Variants in CLVS1 observed in about 807,000 individuals in gnomAD.
CLVS1 encodes the protein clavesin-1.
Under a neutral mutation model 33.1 loss-of-function variants are expected in CLVS1, and 10 were observed. The ratio of observed to expected loss-of-function variants is 0.30; its 90% CI spans 0.19 to 0.51. The LOEUF (loss-of-function observed/expected upper bound fraction) is 0.51, where lower values mean the gene tolerates loss of function less well. CLVS1 is among the 20% of genes least tolerant of loss of function. CLVS1 has a pLI of 0.97. For synonymous variants in CLVS1, 163 were observed against 166.1 expected (o/e 0.98, Z 0.14); for missense variants, 343 against 433.4 (o/e 0.79, Z 1.85).
chr8:61,175,999 C>T (rs1197315280), intron 2 of CLVS1, among the ~76,000 whole-genome samples: 2 of 152,158 alleles, frequency 1.3e-5, no homozygotes, highest in African/African-American at 2.4e-5. Context: ...CAACTTTCTC[C>T]AGACCAAACA....
At chr8:61,357,489 C>CTTTTATTTTTTTTTTTTTTTTTTTT (rs1462908906) in intron 2 of CLVS1, among the ~76,000 whole-genome samples, 2 of 30,282 alleles carry the variant, frequency 6.6e-5, no homozygotes, top group Admixed American at 3.7e-4. Context: ...TTTCCTTTTT[C>CTTTTATTTTTTTTTTTTTTTTTTTT]TTTTCTTTTT....
intron 2 of CLVS1, among the ~76,000 whole-genome samples, chr8:61,346,744 T>C (rs1812235045): frequency 6.6e-6 from 1 of 152,148 alleles, no homozygotes; most frequent in African/African-American, 2.4e-5. Context: ...AGTCCTGCAA[T>C]CATGGGTTTC....
At chr8:61,461,118 T>C (rs988984854) in intron 5 of CLVS1, among the ~76,000 whole-genome samples, 1 of 152,206 alleles carries the variant, frequency 6.6e-6, no homozygotes, top group African/African-American at 2.4e-5. Context: ...ATGAACAAGA[T>C]AAATTAGGGC....
At chr8:61,177,288 G>T (rs918652691) in intron 2 of CLVS1, among the ~76,000 whole-genome samples, 2 of 152,150 alleles carry the variant, frequency 1.3e-5, no homozygotes, top group East Asian at 3.9e-4. Context: ...CTCCCTGCAG[G>T]AACTTCAACT....
intron 2 of CLVS1, among the ~76,000 whole-genome samples, chr8:61,318,129 C>T (rs1811073882): frequency 6.6e-6 from 1 of 152,094 alleles, no homozygotes. Flanking sequence ...AATTATTTTC[C>T]TTGAACTCTC....
At chr8:61,172,771 G>A (rs1490079740) in intron 2 of CLVS1, among the ~76,000 whole-genome samples, 1 of 144,216 alleles carries the variant, frequency 6.9e-6, no homozygotes, top group East Asian at 1.9e-4. Context: ...TCCAAAGGAA[G>A]TCAGGGACCT....
chr8:60,991,020 A>AT, the CLVS1 span, among the ~76,000 whole-genome samples: 2 of 152,070 alleles, frequency 1.3e-5, no homozygotes, highest in Admixed American at 6.6e-5. Context: ...TAATTAACAG[A>AT]TTTTTTTACT....
chr8:61,282,010 A>G (rs562147639), intron 2 of CLVS1, among the ~76,000 whole-genome samples: 1 of 152,350 alleles, frequency 6.6e-6, no homozygotes, highest in East Asian at 1.9e-4. Context: ...GTGTTTCATT[A>G]TAATCATGTC....
At chr8:61,201,797 G>A (rs908709681) in intron 2 of CLVS1, among the ~76,000 whole-genome samples, 5 of 152,246 alleles carry the variant, frequency 3.3e-5, no homozygotes, top group East Asian at 3.9e-4. Flanking sequence ...CCCCACTGCC[G>A]TAAAGAAATA....
At chr8:61,185,752 A>G (rs1200465887) in intron 2 of CLVS1, among the ~76,000 whole-genome samples, 2 of 152,166 alleles carry the variant, frequency 1.3e-5, no homozygotes, top group African/African-American at 2.4e-5. Context: ...TACTTGTGGT[A>G]TAGTCTTAGG....
intron 2 of CLVS1, among the ~76,000 whole-genome samples, chr8:61,335,995 A>G (rs1318920959): frequency 6.6e-6 from 1 of 152,106 alleles, no homozygotes; most frequent in East Asian, 1.9e-4. Context: ...AGAGTCAGGG[A>G]ATAGAGGAAT....
intron 1 of CLVS1, among the ~76,000 whole-genome samples, chr8:61,102,791 AG>A (rs1172887870): frequency 6.6e-6 from 1 of 152,238 alleles, no homozygotes; most frequent in East Asian, 1.9e-4. Context: ...GACAGGGAAA[AG>A]AAAGAGAAGT....
chr8:61,376,688 T>G lies in CLVS1; in HGVS notation c.539T>G (p.Phe180Cys). 1 of 1,614,142 alleles carries G rather than the reference T, an allele frequency of 6.2e-7. No homozygotes were observed. The highest frequency in any genetic ancestry group is 8.5e-7 in the Non-Finnish European group (1 of 1,179,980). ...GATCCGGAGCTTCAGATAAATGGCT[T>G]CATTTTAATTATAGACTGGAGTAAT... is the stretch of plus-strand genomic sequence containing the variant. ...IEDPELQINGFILIIDWSNFS... is the reference protein window; with the variant it reads ...IEDPELQINGCILIIDWSNFS... Residue 180 changes from phenylalanine (F) to cysteine (C), a missense_variant, in exon 3 of 6, where the codon TTC becomes TGC. Around this residue, in one of 4 missense-constraint regions of CLVS1, gnomAD observed 166 missense variants for 244.0 expected, o/e 0.68. Coordinates refer to ENST00000325897, the MANE Select transcript of CLVS1 (RefSeq NM_173519.3).
intron 2 of CLVS1, among the ~76,000 whole-genome samples, chr8:61,191,688 A>G (rs1244024562): frequency 6.6e-6 from 1 of 152,172 alleles, no homozygotes; most frequent in Non-Finnish European, 1.5e-5. Context: ...CTCAGGATAA[A>G]AAAATCAATG....
At chr8:61,088,992 C>T (rs912156273) in intron 1 of CLVS1, among the ~76,000 whole-genome samples, 4 of 151,864 alleles carry the variant, frequency 2.6e-5, no homozygotes, top group Admixed American at 2.6e-4. Flanking sequence ...TTGGTAGAGA[C>T]GGGGTTTCAC....
chr8:61,124,336 C>T (rs1317722408), intron 1 of CLVS1, among the ~76,000 whole-genome samples: 1 of 152,198 alleles, frequency 6.6e-6, no homozygotes, highest in Non-Finnish European at 1.5e-5. Flanking sequence ...GGATTTGTTA[C>T]TGAACAAGAT....
At chr8:61,379,543 G>A (rs16927234) in intron 3 of CLVS1, among the ~76,000 whole-genome samples, 85,951 of 151,970 alleles carry the variant, frequency 0.57, 28,533 homozygotes, top group Non-Finnish European at 0.73. Flanking sequence ...AGAACCTGGA[G>A]CTTTAGTCCT....
rs553675593 is a variant in CLVS1 at position 61,246,833 on chromosome 8, G to A, written c.-151-52844G>A. Among the ~76,000 whole-genome samples the A allele has an allele frequency of 2.6e-4, 40 of 152,060 alleles. 1 individual carries two copies. The highest frequency in any genetic ancestry group is 1.7e-3 in the South Asian group (8 of 4,802). On this transcript the variant is annotated intron_variant, in intron 2 of 2. Coordinates refer to the CLVS1 transcript ENST00000522621. ...AAAAAAATTTATTTTAGGTTTGGGC[G>A]TACCTGTGAAAGTTTGTTACATAGA...
chr8:61,453,573 G>A (rs1817039176), intron 3 of CLVS1, among the ~76,000 whole-genome samples: 1 of 152,154 alleles, frequency 6.6e-6, no homozygotes, highest in African/African-American at 2.4e-5. Context: ...GTACTGCAAT[G>A]TGTGAAAAAG....
Sources: gnomAD v4.1 joint callset for allele counts (sites outside exome capture counted in the v4.1 genomes callset) on GRCh38, gnomAD v4.1.1 for gene constraint, gnomAD v4.1.1 regional missense constraint, MANE v1.5 for transcripts, NCBI Gene and HGNC (gene_info 2026-07-23, HGNC 2026-07-21) for gene names.